The following ATP9A variants were observed in gnomAD, a reference collection of about 807,000 sequenced individuals.
ATP9A encodes probable phospholipid-transporting ATPase IIA.
ATP9A carries 52 observed loss-of-function variants against 144.1 expected under a neutral mutation model. The ratio of observed to expected loss-of-function variants is 0.36; its 90% CI spans 0.29 to 0.45. ATP9A has a LOEUF of 0.45. Ranked by LOEUF, ATP9A falls within the 20% of genes least tolerant of loss-of-function variation. The probability of loss-of-function intolerance (pLI) is 1.00; values close to 1 mark genes in which losing one functional copy is unlikely to be tolerated. For missense variants in ATP9A, 947 were observed against 1,392.7 expected (o/e 0.68, Z 5.09); for synonymous variants, 582 against 557.4 (o/e 1.04, Z -0.62).
At chr20:51,642,899 T>C (rs908513048) in intron 14 of ATP9A, among the ~76,000 whole-genome samples, 1 of 152,082 alleles carries the variant, frequency 6.6e-6, no homozygotes, top group African/African-American at 2.4e-5. Context: ...GCTGACCTGC[T>C]ATACCCCGAA....
At chr20:51,695,155 C>T (rs1445513918) in intron 6 of ATP9A, among the ~76,000 whole-genome samples, 1 of 152,042 alleles carries the variant, frequency 6.6e-6, no homozygotes, top group Non-Finnish European at 1.5e-5. Context: ...GAAAAACAGC[C>T]TTATTTCCTC....
intron 25 of ATP9A, among the ~76,000 whole-genome samples, chr20:51,607,861 T>C (rs757489783): frequency 6.6e-6 from 1 of 151,826 alleles, no homozygotes; most frequent in African/African-American, 2.4e-5. Context: ...CTGGCCAACA[T>C]GGTGAAACCT....
chr20:51,750,755 C>T (rs535446902), intron 1 of ATP9A, among the ~76,000 whole-genome samples: 1 of 152,286 alleles, frequency 6.6e-6, no homozygotes, highest in African/African-American at 2.4e-5. Context: ...GGAGCCAGCC[C>T]TCTTAGCTGG....
intron 17 of ATP9A, 121 bp from the exon 18 acceptor site, chr20:51,625,483 A>G: frequency 8.5e-7 from 1 of 1,177,736 alleles, no homozygotes; most frequent in South Asian, 1.6e-5. Flanking sequence ...GGACCCCAGC[A>G]GGTGAGCTGG....
At chr20:51,617,791 T>C (rs926274007) in intron 21 of ATP9A, among the ~76,000 whole-genome samples, 1 of 152,170 alleles carries the variant, frequency 6.6e-6, no homozygotes, top group Non-Finnish European at 1.5e-5. Flanking sequence ...GCAGCAGCAG[T>C]GGGACTGTGT....
intron 21 of ATP9A, among the ~76,000 whole-genome samples, chr20:51,618,080 C>T (rs1033396892): frequency 4.6e-5 from 7 of 151,988 alleles, no homozygotes; most frequent in African/African-American, 1.5e-4. Context: ...ATTAGCCACA[C>T]GTGGTGGTGC....
chr20:51,719,096 C>T (rs2077676839), intron 3 of ATP9A, among the ~76,000 whole-genome samples: 1 of 151,380 alleles, frequency 6.6e-6, no homozygotes. Flanking sequence ...CCACTGCATT[C>T]CAGCCTGGGC....
chr20:51,725,606 T>C (rs763519941), intron 3 of ATP9A, among the ~76,000 whole-genome samples: 3 of 152,202 alleles, frequency 2.0e-5, no homozygotes, highest in Non-Finnish European at 4.4e-5. Flanking sequence ...AATGAATAAA[T>C]GAACGGCACA....
chr20:51,729,802 A>G, intron 2 of ATP9A, 32 bp downstream of exon 2: 1 of 1,522,090 alleles, frequency 6.6e-7, no homozygotes, highest in South Asian at 1.3e-5. Flanking sequence ...TGATGGAAAA[A>G]AGAAAAGAGC....
At position 51,729,818 on chromosome 20, in the gene ATP9A, C is replaced by G; in HGVS notation, c.213+16G>C. ...GATGGAAAAAAGAAAAGAGCACGGT[C>G]CCTGCCTGCACGTACCCCAGGAAGA... On this transcript the variant is annotated intron_variant, in intron 2 of 27. Coordinates refer to ENST00000338821, the MANE Select transcript of ATP9A (RefSeq NM_006045.3). The G allele has an allele frequency of 6.4e-7, 1 of 1,557,386 alleles. No individual in the cohort carries two copies. The highest frequency in any genetic ancestry group is 1.2e-5 in the South Asian group (1 of 81,360).
chr20:51,748,248 C>T (rs932889712), intron 1 of ATP9A, among the ~76,000 whole-genome samples: 1 of 151,956 alleles, frequency 6.6e-6, no homozygotes, highest in Non-Finnish European at 1.5e-5. Context: ...AGTGTGAGAC[C>T]GGCTTGGGTT....
chr20:51,606,319 T>C (rs1312441232), intron 26 of ATP9A, among the ~76,000 whole-genome samples: 1 of 152,236 alleles, frequency 6.6e-6, no homozygotes, highest in Non-Finnish European at 1.5e-5. Flanking sequence ...TATGTGTACC[T>C]GTCCAGATAT....
At chr20:51,760,485 G>A (rs1403869068) in intron 1 of ATP9A, among the ~76,000 whole-genome samples, 1 of 152,164 alleles carries the variant, frequency 6.6e-6, no homozygotes, top group African/African-American at 2.4e-5. Context: ...CCAGCACTTT[G>A]GGAGGCCAAG....
rs1456798403 is a variant in ATP9A, at chr20:51,600,805, AAAACACACACACAC to A, written c.*392_*405del. ...AGTACATACACATTAGGACTCTTTA[AAAACACACACACAC>A]ACACACACACACACACACACACACA... On this transcript the variant is annotated 3_prime_UTR_variant, in exon 28 of 28. Transcript: ENST00000338821. 17 of 122,716 alleles carry A rather than the reference AAAACACACACACAC, an allele frequency of 1.4e-4. No homozygotes were observed. The highest frequency in any genetic ancestry group is 2.0e-4 in the Non-Finnish European group (12 of 60,306). The allele number at this position is 122,716 out of a possible 1,614,324, so 7.6% of individuals were successfully genotyped here.
At chr20:51,667,334 C>T (rs958683765) in intron 13 of ATP9A, among the ~76,000 whole-genome samples, 1 of 152,202 alleles carries the variant, frequency 6.6e-6, no homozygotes, top group South Asian at 2.1e-4. Context: ...ACCGGATGTA[C>T]ACACCACCAC....
At chr20:51,671,328 G>A (rs2077455169) in intron 11 of ATP9A, 71 bp from the exon 12 acceptor site, 3 of 1,552,004 alleles carry the variant, frequency 1.9e-6, no homozygotes, top group Middle Eastern at 3.4e-4. Context: ...ATAAAAACAT[G>A]GACTCTAAAC....
intron 1 of ATP9A, among the ~76,000 whole-genome samples, chr20:51,759,628 G>C (rs886865545): frequency 6.6e-6 from 1 of 151,780 alleles, no homozygotes; most frequent in African/African-American, 2.4e-5. Context: ...AGCCGAGATC[G>C]CACCACTACA....
intron 1 of ATP9A, among the ~76,000 whole-genome samples, chr20:51,763,365 T>C (rs1364524569): frequency 6.6e-6 from 1 of 151,154 alleles, no homozygotes; most frequent in Non-Finnish European, 1.5e-5. Context: ...CAGGCTACAG[T>C]GCAGTGGCGC....
intron 14 of ATP9A, among the ~76,000 whole-genome samples, chr20:51,648,157 G>A (rs2077349256): frequency 6.6e-6 from 1 of 152,110 alleles, no homozygotes; most frequent in African/African-American, 2.4e-5. Context: ...CTGAGGCTGA[G>A]GCTCAGGCTA....
Sources: gnomAD v4.1 joint callset for allele counts (sites outside exome capture counted in the v4.1 genomes callset) on GRCh38, gnomAD v4.1.1 for gene constraint, MANE v1.5 for transcripts, NCBI Gene and HGNC (gene_info 2026-07-23, HGNC 2026-07-21) for gene names.